Variants in ST8SIA5 observed in about 807,000 individuals in gnomAD.
The protein encoded by ST8SIA5 is ST8 alpha-N-acetyl-neuraminide alpha-2,8-sialyltransferase 5.
A neutral mutation model predicts 40.2 loss-of-function variants in ST8SIA5; 24 were observed. The observed-to-expected ratio is 0.60, with a 90% confidence interval of 0.43 to 0.84. The LOEUF (loss-of-function observed/expected upper bound fraction) is 0.84. Among genes scored for constraint, ST8SIA5 ranks in the 40% least tolerant of loss-of-function variants. ST8SIA5 has a pLI of 0.00. For missense variants in ST8SIA5, 465 were observed against 498.5 expected (o/e 0.93, Z 0.64); for synonymous variants, 198 against 201.8 (o/e 0.98, Z 0.16).
At chr18:46,748,328 C>T (rs2040161775) in intron 1 of ST8SIA5, among the ~76,000 whole-genome samples, 1 of 151,876 alleles carries the variant, frequency 6.6e-6, no homozygotes, top group East Asian at 1.9e-4. Flanking sequence ...CTTTGGGAGG[C>T]TGGGAAGGGT....
chr18:46,714,106 C>T (rs1309135790), intron 1 of ST8SIA5, among the ~76,000 whole-genome samples: 1 of 152,106 alleles, frequency 6.6e-6, no homozygotes, highest in East Asian at 1.9e-4. Flanking sequence ...CACTTCGAAC[C>T]AGGAGGCTCG....
chr18:46,737,172 A>C (rs1479978572), intron 1 of ST8SIA5, among the ~76,000 whole-genome samples: 1 of 151,918 alleles, frequency 6.6e-6, no homozygotes, highest in Non-Finnish European at 1.5e-5. Context: ...CTGCCTCAAC[A>C]CCTCAGCCTG....
intron 1 of ST8SIA5, among the ~76,000 whole-genome samples, chr18:46,749,457 G>A (rs2040174562): frequency 6.6e-6 from 1 of 152,124 alleles, no homozygotes; most frequent in African/African-American, 2.4e-5. Flanking sequence ...TTATGTCAAA[G>A]GTCCTAGCCA....
intron 1 of ST8SIA5, among the ~76,000 whole-genome samples, chr18:46,749,636 A>G (rs1183322012): frequency 6.6e-6 from 1 of 152,270 alleles, no homozygotes; most frequent in East Asian, 1.9e-4. Context: ...TTATTTCTAT[A>G]TGCCAGCTAC....
chr18:46,690,879 G>C (rs1173997556), intron 3 of ST8SIA5, among the ~76,000 whole-genome samples: 1 of 152,162 alleles, frequency 6.6e-6, no homozygotes, highest in Non-Finnish European at 1.5e-5. Context: ...GCCTCCCAAA[G>C]TGCTGGGATT....
chr18:46,745,685 G>A (rs1193184618), intron 1 of ST8SIA5, among the ~76,000 whole-genome samples: 1 of 152,102 alleles, frequency 6.6e-6, no homozygotes, highest in Non-Finnish European at 1.5e-5. Flanking sequence ...CCAATCAATA[G>A]AAAAAGAGGG....
At chr18:46,690,273 A>T (rs1204132840) in intron 3 of ST8SIA5, among the ~76,000 whole-genome samples, 1 of 152,154 alleles carries the variant, frequency 6.6e-6, no homozygotes, top group Non-Finnish European at 1.5e-5. Context: ...TCGAAAGCTC[A>T]TGCCTGCCTT....
At position 46,743,044 on chromosome 18, in the gene ST8SIA5, C is replaced by G. The variant is rs568017112; in HGVS notation, c.131+13334G>C. On this transcript the variant is annotated intron_variant, in intron 1 of 6. Transcript: ENST00000315087. ...AACATCAACAAAAAGGACATCTACA[C>G]CAAAACGCCATTTGTAGGTCACCAA... Among the ~76,000 whole-genome samples the G allele has an allele frequency of 1.3e-3, 202 of 152,270 alleles. 1 individual carries two copies. The South Asian group carries it at 0.026, about 19-fold the overall frequency.
At chr18:46,696,400 C>T (rs2144488613) in intron 2 of ST8SIA5, among the ~76,000 whole-genome samples, 1 of 152,310 alleles carries the variant, frequency 6.6e-6, no homozygotes, top group Admixed American at 6.5e-5. Context: ...GAAACACAGC[C>T]CTGGCAAAAC....
At chr18:46,687,913 C>T (rs969792541) in intron 4 of ST8SIA5, among the ~76,000 whole-genome samples, 2 of 152,238 alleles carry the variant, frequency 1.3e-5, no homozygotes, top group African/African-American at 2.4e-5. Context: ...AGAGTCCATA[C>T]GCCACCACAC....
intron 1 of ST8SIA5, among the ~76,000 whole-genome samples, chr18:46,711,041 A>C (rs1421674284): frequency 6.6e-6 from 1 of 152,220 alleles, no homozygotes; most frequent in Non-Finnish European, 1.5e-5. Flanking sequence ...AGCTTGGTGC[A>C]GAGTCTCAGA....
At chr18:46,748,958 T>C (rs1353721358) in intron 1 of ST8SIA5, among the ~76,000 whole-genome samples, 2 of 152,154 alleles carry the variant, frequency 1.3e-5, no homozygotes, top group South Asian at 4.1e-4. Context: ...ACAACTCAAA[T>C]GTCTATGAGT....
Position 46,756,618 on chromosome 18 carries a change from C to G in ST8SIA5, c.-110G>C. The G allele has an allele frequency of 1.5e-6, 2 of 1,333,614 alleles. No homozygotes were observed. The highest frequency in any genetic ancestry group is 2.0e-6 in the Non-Finnish European group (2 of 994,370). 82.6% of individuals were successfully genotyped at this position (1,333,614 alleles called of 1,614,324 possible). The stretch of plus-strand genomic sequence containing the variant: ...CCGACTTGGCGCCTCACGGTGCGGT[C>G]AGGCAGGCGGGGGACTTCGAGGGGC... On this transcript the variant is annotated 5_prime_UTR_variant, in exon 1 of 7. The change abolishes the stop of an existing upstream ORF in the 5' untranslated region. Transcript: ENST00000315087.
intron 4 of ST8SIA5, among the ~76,000 whole-genome samples, chr18:46,687,517 T>C (rs1333713987): frequency 1.3e-5 from 2 of 152,172 alleles, no homozygotes; most frequent in Non-Finnish European, 2.9e-5. Context: ...CTGCGTGAGA[T>C]GCAAATCCAC....
intron 1 of ST8SIA5, among the ~76,000 whole-genome samples, chr18:46,717,231 C>T (rs1287061420): frequency 6.6e-6 from 1 of 152,230 alleles, no homozygotes; most frequent in Non-Finnish European, 1.5e-5. Flanking sequence ...GACAAGTACC[C>T]TCTATCCTCC....
chr18:46,720,146 G>A (rs372044485), intron 1 of ST8SIA5, among the ~76,000 whole-genome samples: 116 of 152,148 alleles, frequency 7.6e-4, no homozygotes, highest in African/African-American at 1.8e-3. Flanking sequence ...GCTTTGACTC[G>A]CATTTTCTAC....
intron 1 of ST8SIA5, among the ~76,000 whole-genome samples, chr18:46,753,633 C>T (rs946260857): frequency 6.6e-6 from 1 of 151,728 alleles, no homozygotes; most frequent in Non-Finnish European, 1.5e-5. Context: ...ATGGAGCTTT[C>T]GGTCTAGAGC....
rs139066304 is a variant in ST8SIA5, at chr18:46,705,812, G to A, written c.132-1148C>T. Among the ~76,000 whole-genome samples the A allele has an allele frequency of 6.5e-3, 992 of 152,350 alleles. 9 individuals carry two copies. The highest frequency in any genetic ancestry group is 0.022 in the African/African-American group (920 of 41,582). On this transcript the variant is annotated intron_variant, in intron 1 of 6. Transcript: ENST00000315087. ...CATGGGATCAGTGGCCTGGCAACAC[G>A]TAGTCTGCAAGAATCAGAGGTGAGA...
intron 1 of ST8SIA5, chr18:46,721,429 T>C (rs1370596895): frequency 6.5e-7 from 1 of 1,535,968 alleles, no homozygotes; most frequent in Admixed American, 2.0e-5. Context: ...CCCGTCCAAT[T>C]GGTCAGCTGG....
Sources: gnomAD v4.1 joint callset for allele counts (sites outside exome capture counted in the v4.1 genomes callset) on GRCh38, gnomAD v4.1.1 for gene constraint, MANE v1.5 for transcripts, NCBI Gene and HGNC (gene_info 2026-07-23, HGNC 2026-07-21) for gene names.